PLCB1: variants seen among roughly 807,000 people sequenced by gnomAD.
PLCB1 encodes the protein 1-phosphatidylinositol 4,5-bisphosphate phosphodiesterase beta-1.
Under a neutral mutation model 161.8 loss-of-function variants are expected in PLCB1, and 46 were observed. The ratio of observed to expected loss-of-function variants is 0.28; its 90% CI spans 0.22 to 0.36. PLCB1 has a LOEUF of 0.36. Ranked by LOEUF, PLCB1 falls within the 10% of genes least tolerant of loss-of-function variation. The pLI is 1.00. For missense variants in PLCB1, 1,016 were observed against 1,472.5 expected, an observed-to-expected ratio of 0.69 and a Z score of 5.07; for synonymous variants, 517 against 503.7, an observed-to-expected ratio of 1.03 and a Z score of -0.35.
intron 3 of PLCB1, among the ~76,000 whole-genome samples, chr20:8,434,185 A>G (rs565914448): frequency 6.6e-5 from 10 of 152,260 alleles, no homozygotes; most frequent in African/African-American, 2.4e-4. Context: ...CATTCTAGTT[A>G]GTTTTGTGTC....
At chr20:8,260,083 T>C (rs1488727761) in intron 2 of PLCB1, among the ~76,000 whole-genome samples, 8 of 151,968 alleles carry the variant, frequency 5.3e-5, no homozygotes, top group Admixed American at 4.6e-4. Context: ...TTTCATTTCT[T>C]GTTTCTTTTT....
intron 2 of PLCB1, among the ~76,000 whole-genome samples, chr20:8,223,443 G>T (rs1161280899): frequency 1.3e-5 from 2 of 151,858 alleles, no homozygotes; most frequent in African/African-American, 4.8e-5. Flanking sequence ...TGACTTTTTA[G>T]TTTTTTTTCT....
chr20:8,456,380 GGTGA>G (rs1343477642), intron 3 of PLCB1, among the ~76,000 whole-genome samples: 1 of 152,064 alleles, frequency 6.6e-6, no homozygotes, highest in Non-Finnish European at 1.5e-5. Context: ...AAAAGTTTGG[GGTGA>G]GTATTTTATT....
intron 2 of PLCB1, among the ~76,000 whole-genome samples, chr20:8,353,459 A>G (rs964137519): frequency 1.3e-5 from 2 of 152,078 alleles, no homozygotes; most frequent in Admixed American, 1.3e-4. Flanking sequence ...AAAGCACAAT[A>G]TGGAAAGAGG....
chr20:8,576,615 T>C (rs1157232397), intron 3 of PLCB1, among the ~76,000 whole-genome samples: 1 of 152,222 alleles, frequency 6.6e-6, no homozygotes, highest in African/African-American at 2.4e-5. Flanking sequence ...TGGGAATATG[T>C]ATTTTATAAA....
chr20:8,406,610 G>A (rs1978797343), intron 3 of PLCB1, among the ~76,000 whole-genome samples: 1 of 152,140 alleles, frequency 6.6e-6, no homozygotes, highest in South Asian at 2.1e-4. Context: ...GTATTCCAAG[G>A]CAGCAAAAGG....
Position 8,881,755 on chromosome 20 carries a change from T to G in PLCB1, c.3557T>G (p.Leu1186Arg). ...DSNHGSAPLS[L>R]SSDPGKVNHK... ...AATCACGGTTCTGCCCCTCTCTCCC[T>G]GTCCTCAGACCCTGGAAAAGTGAAC... is the stretch of plus-strand genomic sequence containing the variant. The change falls in exon 32 of 32, where the codon CTG (leucine) becomes CGG (arginine). Residue 1186 changes from leucine to arginine, a missense_variant. This residue lies in a region of PLCB1 where 398 missense variants were observed against 445.4 expected (regional missense o/e 0.89). Coordinates refer to ENST00000338037, the MANE Select transcript of PLCB1 (RefSeq NM_015192.4). The G allele has an allele frequency of 6.2e-7, 1 of 1,614,074 alleles. No homozygotes were observed. Among genetic ancestry groups the G allele is most frequent in the Non-Finnish European group, 8.5e-7 (1 of 1,179,956 alleles).
At chr20:8,331,921 C>T (rs549855951) in intron 2 of PLCB1, among the ~76,000 whole-genome samples, 5 of 152,204 alleles carry the variant, frequency 3.3e-5, no homozygotes, top group South Asian at 2.1e-4. Flanking sequence ...ACAATTGGAT[C>T]GAGAATTAGC....
At chr20:8,548,924 C>T (rs1279934172) in intron 3 of PLCB1, among the ~76,000 whole-genome samples, 1 of 152,122 alleles carries the variant, frequency 6.6e-6, no homozygotes, top group Non-Finnish European at 1.5e-5. Flanking sequence ...TTTAACATTT[C>T]CCAGCAAATG....
rs187269579 is a variant in PLCB1 at position 8,831,722 on chromosome 20, T to C, written c.3423+41461T>C. Among the ~76,000 whole-genome samples the C allele has an allele frequency of 5.5e-3, 837 of 152,218 alleles. 5 individuals are homozygous for C. The highest frequency in any genetic ancestry group is 7.5e-3 in the Non-Finnish European group (508 of 68,008). On this transcript the variant is annotated intron_variant, in intron 31 of 31. Coordinates refer to ENST00000338037, the MANE Select transcript of PLCB1 (RefSeq NM_015192.4). ...GTAGCTCACCATAGCCTGAAACTCC[T>C]GGGCTCAAGCGATCCTCCCACCTCA...
chr20:8,796,069 T>C (rs981049850), intron 31 of PLCB1, among the ~76,000 whole-genome samples: 1 of 152,198 alleles, frequency 6.6e-6, no homozygotes, highest in African/African-American at 2.4e-5. Flanking sequence ...TGTAATTTAC[T>C]TTTTCTCTGA....
At position 8,132,503 on chromosome 20, in the gene PLCB1, A is replaced by T; in HGVS notation, c.-149A>T. 2.5e-6 allele frequency: 1 copy of T among 398,056 alleles called. No homozygotes were observed. Among genetic ancestry groups the T allele is most frequent in the Non-Finnish European group, 4.4e-6 (1 of 226,386 alleles). The allele number at this position is 398,056 out of a possible 1,614,324, so 24.7% of individuals were successfully genotyped here. Reference sequence around the variant, plus strand: ...TGAGCGGCGCCGGAGGGAGGTGCGGAGGCCGGGAGGCCGGGGAGGCCGGCG... The same window carrying T: ...TGAGCGGCGCCGGAGGGAGGTGCGGTGGCCGGGAGGCCGGGGAGGCCGGCG... On this transcript the variant is annotated 5_prime_UTR_variant, in exon 1 of 32. Transcript: ENST00000338037. This position sits in a 1 kb window ranked among gnomAD's most constrained non-coding sequence, Gnocchi z 5.2.
intron 31 of PLCB1, among the ~76,000 whole-genome samples, chr20:8,854,392 A>G (rs1356078412): frequency 2.0e-5 from 3 of 152,128 alleles, no homozygotes; most frequent in African/African-American, 4.8e-5. Flanking sequence ...TCTAAGTAAT[A>G]TTTCTTCCAA....
rs577262590 is a variant in PLCB1 at position 8,194,498 on chromosome 20, G to A, written c.177+44127G>A. On this transcript the variant is annotated intron_variant, in intron 2 of 31. Coordinates refer to ENST00000338037, the MANE Select transcript of PLCB1 (RefSeq NM_015192.4). Reference sequence around the variant, plus strand: ...CTTCTTGTGTCAAAATAAATATGCAGAATCTCAATCATGGACTTAAAGATG... The same window carrying A: ...CTTCTTGTGTCAAAATAAATATGCAAAATCTCAATCATGGACTTAAAGATG... Among the ~76,000 whole-genome samples, 9 of 152,052 alleles carry A rather than the reference G, an allele frequency of 5.9e-5. No individual in the cohort carries two copies. The East Asian group carries it at 1.5e-3, about 26-fold the overall frequency.
intron 2 of PLCB1, among the ~76,000 whole-genome samples, chr20:8,154,301 G>C (rs1156453181): frequency 6.6e-6 from 1 of 151,992 alleles, no homozygotes; most frequent in Non-Finnish European, 1.5e-5. Context: ...CTTTCATATT[G>C]CTCTATCGTA....
At chr20:8,416,384 G>A (rs6055802) in intron 3 of PLCB1, among the ~76,000 whole-genome samples, 37,912 of 151,940 alleles carry the variant, frequency 0.25, 5,911 homozygotes, top group African/African-American at 0.44. Context: ...ATATTACATT[G>A]AATTAGATTT....
intron 1 of PLCB1, among the ~76,000 whole-genome samples, chr20:8,136,805 C>T (rs2051354670): frequency 6.6e-6 from 1 of 152,040 alleles, no homozygotes; most frequent in South Asian, 2.1e-4. Context: ...AATCAGGTTT[C>T]TCACCTTCTT....
At chr20:8,452,230 T>G (rs1455592890) in intron 3 of PLCB1, among the ~76,000 whole-genome samples, 2 of 152,076 alleles carry the variant, frequency 1.3e-5, no homozygotes, top group South Asian at 2.1e-4. Flanking sequence ...GATTATTCCT[T>G]TTAACTTTTT....
chr20:8,352,936 G>T (rs531299907), intron 2 of PLCB1, among the ~76,000 whole-genome samples: 1 of 152,206 alleles, frequency 6.6e-6, no homozygotes, highest in African/African-American at 2.4e-5. Context: ...AATATAGAAA[G>T]TTCTGTGTGT....
Sources: allele counts gnomAD v4.1 joint callset (sites outside exome capture counted in the v4.1 genomes callset), GRCh38; gene constraint gnomAD v4.1.1; regional missense constraint gnomAD v4.1.1; non-coding constraint Gnocchi (gnomAD v3.1); transcripts MANE v1.5; gene names NCBI Gene and HGNC (gene_info 2026-07-23, HGNC 2026-07-21).